Variants in PTPRD observed in about 807,000 individuals in gnomAD.
PTPRD encodes protein tyrosine phosphatase receptor type D, also known as receptor-type tyrosine-protein phosphatase delta.
A neutral mutation model predicts 214.5 loss-of-function variants in PTPRD; 34 were observed. The observed-to-expected ratio is 0.16, with a 90% CI of 0.12 to 0.21. The LOEUF (loss-of-function observed/expected upper bound fraction) is 0.21. PTPRD is among the 10% of genes least tolerant of loss of function. The probability of loss-of-function intolerance (pLI) is 1.00; values close to 1 mark genes in which losing one functional copy is unlikely to be tolerated. For synonymous variants in PTPRD, 1,128 were observed against 845.7 expected (o/e 1.33, Z -5.79); for missense variants, 2,545 against 2,398.7 (o/e 1.06, Z -1.27).
At chr9:10,007,772 C>G (rs2154101303) in intron 4 of PTPRD, among the ~76,000 whole-genome samples, 1 of 152,082 alleles carries the variant, frequency 6.6e-6, no homozygotes, top group South Asian at 2.1e-4. Flanking sequence ...ATTTAAAATA[C>G]TAACTGCTTG....
chr9:9,152,109 T>C (rs2099877306), intron 10 of PTPRD, among the ~76,000 whole-genome samples: 1 of 152,216 alleles, frequency 6.6e-6, no homozygotes, highest in African/African-American at 2.4e-5. Context: ...TGTCATTGCA[T>C]TGGGTACGAA....
intron 3 of PTPRD, among the ~76,000 whole-genome samples, chr9:10,243,872 A>T (rs991869551): frequency 3.3e-5 from 5 of 150,772 alleles, no homozygotes; most frequent in Admixed American, 1.3e-4. Flanking sequence ...TGGATTAATC[A>T]TTTTTTTTTC....
intron 9 of PTPRD, among the ~76,000 whole-genome samples, chr9:9,210,586 T>G (rs945303358): frequency 6.6e-6 from 1 of 152,074 alleles, no homozygotes; most frequent in African/African-American, 2.4e-5. Flanking sequence ...TCTCTTACCA[T>G]TTTTTTGCTT....
At chr9:9,226,508 G>T (rs765762331) in intron 9 of PTPRD, among the ~76,000 whole-genome samples, 2 of 151,880 alleles carry the variant, frequency 1.3e-5, no homozygotes, top group Non-Finnish European at 2.9e-5. Context: ...TGGGCAGAAG[G>T]TGACAAGTGG....
At chr9:9,798,286 A>G (rs947399166) in intron 5 of PTPRD, among the ~76,000 whole-genome samples, 1 of 152,200 alleles carries the variant, frequency 6.6e-6, no homozygotes, top group African/African-American at 2.4e-5. Context: ...TTTATTTAAT[A>G]TGAGTTTTAC....
chr9:8,560,202 C>A (rs2085614422), intron 14 of PTPRD, among the ~76,000 whole-genome samples: 1 of 152,038 alleles, frequency 6.6e-6, no homozygotes, highest in African/African-American at 2.4e-5. Flanking sequence ...TGTTTATAAT[C>A]TCTCAATTCA....
At chr9:9,769,049 T>C (rs746180897) in intron 5 of PTPRD, among the ~76,000 whole-genome samples, 3 of 152,146 alleles carry the variant, frequency 2.0e-5, no homozygotes, top group Non-Finnish European at 4.4e-5. Context: ...CTATTTAAGA[T>C]TGGTTTAATT....
At chr9:10,212,176 A>T (rs2099520390) in intron 3 of PTPRD, among the ~76,000 whole-genome samples, 1 of 152,112 alleles carries the variant, frequency 6.6e-6, no homozygotes. Flanking sequence ...CTCACTTAAT[A>T]TGACCATAAG....
chr9:8,942,463 C>G (rs1588530299), intron 11 of PTPRD, among the ~76,000 whole-genome samples: 1 of 152,258 alleles, frequency 6.6e-6, no homozygotes, highest in East Asian at 1.9e-4. Flanking sequence ...ACTTCATCAG[C>G]AACTGGACTT....
intron 10 of PTPRD, among the ~76,000 whole-genome samples, chr9:9,032,287 A>C (rs1022565259): frequency 2.0e-5 from 3 of 152,020 alleles, no homozygotes; most frequent in Non-Finnish European, 2.9e-5. Context: ...CAGCTTCTCA[A>C]AACTGCAATT....
chr9:8,912,961 G>A (rs2098758124), intron 11 of PTPRD, among the ~76,000 whole-genome samples: 1 of 152,086 alleles, frequency 6.6e-6, no homozygotes. Context: ...CTACACAAAT[G>A]TTAATTATAA....
At chr9:10,175,956 T>G (rs2099245980) in intron 3 of PTPRD, among the ~76,000 whole-genome samples, 1 of 152,028 alleles carries the variant, frequency 6.6e-6, no homozygotes, top group Admixed American at 6.6e-5. Flanking sequence ...TACTTTTGGC[T>G]GCAAAGTAGA....
At chr9:10,170,677 A>G (rs1436481304) in intron 3 of PTPRD, among the ~76,000 whole-genome samples, 1 of 152,104 alleles carries the variant, frequency 6.6e-6, no homozygotes, top group Non-Finnish European at 1.5e-5. Context: ...ACAGAGCAAG[A>G]CTCCGTCTCA....
rs573212826 is a variant in PTPRD, at chr9:8,689,675, A to G, written c.64+44105T>C. 8.0e-4 allele frequency among the ~76,000 whole-genome samples: 122 copies of G among 152,332 alleles called. 1 individual carries two copies. Among genetic ancestry groups the G allele is most frequent in the Non-Finnish European group, 1.5e-3 (102 of 68,026 alleles). Reference sequence around the variant, plus strand: ...CACACATGGGAATTATAGGAGTACAATTCAAGATGAGATTTGGGTGGGGAC... The same window carrying G: ...CACACATGGGAATTATAGGAGTACAGTTCAAGATGAGATTTGGGTGGGGAC... On this transcript the variant is annotated intron_variant, in intron 12 of 45. Coordinates refer to ENST00000381196, the MANE Select transcript of PTPRD (RefSeq NM_002839.4).
At chr9:9,555,674 G>A (rs1156353076) in intron 8 of PTPRD, among the ~76,000 whole-genome samples, 1 of 151,992 alleles carries the variant, frequency 6.6e-6, no homozygotes, top group African/African-American at 2.4e-5. Flanking sequence ...ACCACGTTTG[G>A]CATTTAAGTA....
At chr9:8,644,392 C>T (rs1435315805) in intron 12 of PTPRD, among the ~76,000 whole-genome samples, 1 of 152,204 alleles carries the variant, frequency 6.6e-6, no homozygotes, top group African/African-American at 2.4e-5. Context: ...GCTCATCCTC[C>T]ACTTGTCTGC....
chr9:9,123,295 A>G (rs1035924869), intron 10 of PTPRD, among the ~76,000 whole-genome samples: 6 of 152,208 alleles, frequency 3.9e-5, no homozygotes, highest in African/African-American at 1.4e-4. Flanking sequence ...GAGCTAGGAC[A>G]TTTCTCTGAA....
At chr9:10,211,542 T>G (rs2099516876) in intron 3 of PTPRD, among the ~76,000 whole-genome samples, 1 of 152,154 alleles carries the variant, frequency 6.6e-6, no homozygotes, top group Admixed American at 6.6e-5. Flanking sequence ...GCCCACCAGA[T>G]CTTCTGCTGC....
intron 8 of PTPRD, among the ~76,000 whole-genome samples, chr9:9,400,907 T>A (rs535540624): frequency 6.6e-6 from 1 of 152,214 alleles, no homozygotes; most frequent in East Asian, 1.9e-4. Flanking sequence ...TATTCGACCA[T>A]TTAATTCTTA....
Sources: gnomAD v4.1 joint callset for allele counts (sites outside exome capture counted in the v4.1 genomes callset) on GRCh38, gnomAD v4.1.1 for gene constraint, MANE v1.5 for transcripts, NCBI Gene and HGNC (gene_info 2026-07-23, HGNC 2026-07-21) for gene names.